Variants in NWD1 observed in about 807,000 individuals in gnomAD.
NWD1 encodes NACHT domain- and WD repeat-containing protein 1.
NWD1 carries 129 observed loss-of-function variants against 135.1 expected under a neutral mutation model. The ratio of observed to expected loss-of-function variants is 0.96; its 90% confidence interval spans 0.83 to 1.11. The LOEUF (loss-of-function observed/expected upper bound fraction) is 1.11. NWD1 is among the 50% of genes least tolerant of loss of function. The pLI is 0.00. For missense variants in NWD1, 1,740 were observed against 1,851.3 expected, an observed-to-expected ratio of 0.94 and a Z score of 1.10; for synonymous variants, 773 against 786.0, an observed-to-expected ratio of 0.98 and a Z score of 0.28.
At chr19:16,739,329 CAAAAAAAAAAAAAA>C (rs67106916) in intron 4 of NWD1, among the ~76,000 whole-genome samples, 42 of 78,974 alleles carry the variant, frequency 5.3e-4, no homozygotes, top group African/African-American at 1.9e-3. Context: ...CTATCTCTAC[CAAAAAAAAAAAAAA>C]AAAAAAAAAA....
chr19:16,801,243 C>T (rs1009765900), intron 17 of NWD1, among the ~76,000 whole-genome samples: 3 of 152,020 alleles, frequency 2.0e-5, no homozygotes, highest in African/African-American at 7.2e-5. Flanking sequence ...CACGCCATTG[C>T]ACTCCAGCCT....
At chr19:16,732,240 A>C (rs1433049006) in intron 3 of NWD1, among the ~76,000 whole-genome samples, 1 of 147,932 alleles carries the variant, frequency 6.8e-6, no homozygotes. Flanking sequence ...AAAAAGGCAG[A>C]TGGAGGGGTT....
At chr19:16,736,860 C>T (rs926121874) in intron 4 of NWD1, 110 bp downstream of exon 4, 3 of 710,362 alleles carry the variant, frequency 4.2e-6, no homozygotes, top group Non-Finnish European at 7.5e-6. Context: ...TGCTTTCGTA[C>T]CTTATCCCTA....
chr19:16,731,131 T>G (rs1201522628), intron 2 of NWD1, 61 bp from the exon 3 acceptor site: 1 of 815,158 alleles, frequency 1.2e-6, no homozygotes, highest in Non-Finnish European at 1.9e-6. Flanking sequence ...AAAGCAGAGC[T>G]ATGAGGCTGG....
intron 3 of NWD1, among the ~76,000 whole-genome samples, chr19:16,734,137 T>C (rs1382036039): frequency 6.6e-6 from 1 of 152,148 alleles, no homozygotes; most frequent in Non-Finnish European, 1.5e-5. Flanking sequence ...GAGACCTTGG[T>C]ACGTCCAGTG....
chr19:16,764,008 A>G, intron 9 of NWD1, 63 bp downstream of exon 9: 1 of 1,003,414 alleles, frequency 1.0e-6, no homozygotes, highest in Non-Finnish European at 1.6e-6. Context: ...CCAGTCTTCT[A>G]GAGCCTGGGG....
At chr19:16,805,154 G>C (rs1970713189) in intron 17 of NWD1, among the ~76,000 whole-genome samples, 1 of 151,974 alleles carries the variant, frequency 6.6e-6, no homozygotes, top group African/African-American at 2.4e-5. Context: ...CGCCTCCCGG[G>C]TTCAAGCAAT....
At chr19:16,740,715 G>A (rs1968044496) in intron 4 of NWD1, among the ~76,000 whole-genome samples, 1 of 137,960 alleles carries the variant, frequency 7.2e-6, no homozygotes, top group South Asian at 2.2e-4. Flanking sequence ...CAAGTGATCT[G>A]CCCACCCTAT....
rs757341864 is a variant in NWD1, at chr19:16,807,637, T to C, written c.3788T>C (p.Val1263Ala). ...DTSSEIRCLEVAEQRKLLFTG... is the reference protein window; with the variant it reads ...DTSSEIRCLEAAEQRKLLFTG... ...TCCAGTGAGATCAGGTGTCTGGAGG[T>C]TGCTGAGCAGCGCAAGCTCCTATTT... The change falls in exon 18 of 19, where the codon GTT becomes GCT. Residue 1263 changes from valine to alanine, a missense_variant. Val to Ala is a moderately conservative substitution (Grantham distance 64, BLOSUM62 0). Transcript: ENST00000524140. 1.9e-6 allele frequency: 3 copies of C among 1,562,302 alleles called. No homozygotes were observed. Among genetic ancestry groups the C allele is most frequent in the East Asian group, 2.2e-5 (1 of 44,470 alleles).
chr19:16,761,551 C>G (rs920664716), intron 7 of NWD1, among the ~76,000 whole-genome samples: 20 of 151,690 alleles, frequency 1.3e-4, no homozygotes, highest in African/African-American at 4.6e-4. Flanking sequence ...TTAGTACAGA[C>G]AGGGTTTCAC....
intron 15 of NWD1, among the ~76,000 whole-genome samples, chr19:16,796,334 C>T (rs746521507): frequency 8.6e-5 from 13 of 151,960 alleles, no homozygotes; most frequent in Non-Finnish European, 1.6e-4. Context: ...TGGTGGCAGG[C>T]GCCTGTAATC....
rs759220842 is a variant in NWD1 at position 16,762,005 on chromosome 19, G to A, written c.2000G>A (p.Arg667His). The A allele has an allele frequency of 4.5e-5, 73 of 1,613,880 alleles. 1 individual carries two copies. Among genetic ancestry groups the A allele is most frequent in the South Asian group, 1.5e-4 (14 of 91,072 alleles). ...CAGCTGGTCGAGGTGGTCCGTGAGC[G>A]CTACCTGTCAGGATCCGAGAGAGCC... ...HRQLVEVVRE[R>H]YLSGSERAKR... The change falls in exon 8 of 19, where the codon CGC (arginine) becomes CAC (histidine). Residue 667 changes from arginine (R) to histidine (H), a missense_variant. Arg to His is a conservative substitution (Grantham distance 29). Coordinates refer to ENST00000524140, the MANE Select transcript of NWD1 (RefSeq NM_001007525.5).
At chr19:16,776,820 T>C (rs1281542319) in intron 11 of NWD1, among the ~76,000 whole-genome samples, 1 of 139,640 alleles carries the variant, frequency 7.2e-6, no homozygotes, top group Admixed American at 7.3e-5. Flanking sequence ...TATGTGCCTA[T>C]AGTCTCAGCT....
chr19:16,722,766 T>C (rs1013101789), intron 1 of NWD1, among the ~76,000 whole-genome samples: 2 of 151,768 alleles, frequency 1.3e-5, no homozygotes, highest in Non-Finnish European at 2.9e-5. Flanking sequence ...ACAACATGAC[T>C]TAGAGAGGGA....
chr19:16,799,403 C>T (rs1970524572), intron 16 of NWD1, among the ~76,000 whole-genome samples: 1 of 151,856 alleles, frequency 6.6e-6, no homozygotes, highest in African/African-American at 2.4e-5. Flanking sequence ...ACCATGTTGG[C>T]CAGGATGGTC....
chr19:16,793,060 T>TAAAA (rs71180338), intron 14 of NWD1, among the ~76,000 whole-genome samples: 2 of 146,088 alleles, frequency 1.4e-5, no homozygotes, highest in Non-Finnish European at 1.5e-5. Context: ...AATTAAAAAA[T>TAAAA]AAAAAAAAAA....
chr19:16,759,236 C>T lies in NWD1; in HGVS notation c.1781C>T (p.Ser594Leu), dbSNP rs534272877. The T allele has an allele frequency of 5.3e-5, 85 of 1,613,662 alleles. 1 individual carries two copies. The East Asian group carries it at 1.8e-3, about 35-fold the overall frequency. The change falls in exon 7 of 19, where the codon TCG (serine) becomes TTG (leucine). Residue 594 changes from serine to leucine, a missense_variant. By Grantham distance (145) the Ser-to-Leu change is moderately radical. Coordinates refer to ENST00000524140, the MANE Select transcript of NWD1 (RefSeq NM_001007525.5). ...GGTCCTCCCTTCAGACACGGTCTCT[C>T]GGAGGCGGAGCTGAAGGATGTTTTG... ...GYIVSSRHGL[S>L]EAELKDVLSL...
At position 16,750,258 on chromosome 19, in the gene NWD1, C is replaced by A; in HGVS notation, c.1616C>A (p.Ala539Glu). ...GGGAACCCAGGGCGGCTGAGGCTGGCGTTTGAGGAAGCCCGGAAATGGGCC... is the reference window on the plus strand; with the variant it reads ...GGGAACCCAGGGCGGCTGAGGCTGGAGTTTGAGGAAGCCCGGAAATGGGCC... ...ECGNPGRLRL[A>E]FEEARKWASF... The change falls in exon 6 of 19, where the codon GCG (alanine) becomes GAG (glutamate). Residue 539 changes from alanine (A) to glutamate (E), a missense_variant. Coordinates refer to ENST00000524140, the MANE Select transcript of NWD1 (RefSeq NM_001007525.5). 5 of 1,613,600 alleles carry A rather than the reference C, an allele frequency of 3.1e-6. No individual in the cohort carries two copies. The highest frequency in any genetic ancestry group is 4.2e-6 in the Non-Finnish European group (5 of 1,179,872).
rs189579799 is a variant in NWD1, at chr19:16,729,627, C to T, written c.-6-1565C>T. Among the ~76,000 whole-genome samples, 9 of 151,178 alleles carry T rather than the reference C, an allele frequency of 6.0e-5. No individual in the cohort carries two copies. In the East Asian group the frequency reaches 1.4e-3, roughly 23 times the overall value. On this transcript the variant is annotated intron_variant, in intron 2 of 18. Transcript: ENST00000524140. ...GTGCAGTGGCTCACACCTGTAATCC[C>T]GGTACTTTAGGGGGCCGAGGCACCT... is the stretch of plus-strand genomic sequence containing the variant.
Sources: allele counts gnomAD v4.1 joint callset (sites outside exome capture counted in the v4.1 genomes callset), GRCh38; gene constraint gnomAD v4.1.1; transcripts MANE v1.5; gene names NCBI Gene and HGNC (gene_info 2026-07-23, HGNC 2026-07-21).